The following CLYBL variants were observed in gnomAD, a reference collection of about 807,000 sequenced individuals.
CLYBL encodes citramalyl-CoA lyase, also known as citramalyl-CoA lyase, mitochondrial.
A neutral mutation model predicts 38.9 loss-of-function variants in CLYBL; 31 were observed. That is an observed-to-expected ratio of 0.80 (90% CI 0.60 to 1.08). CLYBL has a LOEUF of 1.08. Among genes scored for constraint, CLYBL ranks in the 50% least tolerant of loss-of-function variants. The pLI is 0.00. For synonymous variants in CLYBL, 171 were observed against 158.6 expected, an observed-to-expected ratio of 1.08 and a Z score of -0.59; for missense variants, 434 against 411.6, an observed-to-expected ratio of 1.05 and a Z score of -0.47.
At chr13:99,701,143 A>G (rs1346774300) in intron 1 of CLYBL, among the ~76,000 whole-genome samples, 1 of 152,190 alleles carries the variant, frequency 6.6e-6, no homozygotes, top group Non-Finnish European at 1.5e-5. Context: ...GTCTCTAAAT[A>G]ATCTCTGTGA....
At position 99,858,888 on chromosome 13, in the gene CLYBL, A is replaced by C; in HGVS notation, c.277A>C (p.Thr93Pro). Residue 93 changes from threonine to proline, a missense_variant, in exon 3 of 9, where the codon ACT becomes CCT. Coordinates refer to ENST00000339105, the MANE Select transcript of CLYBL (RefSeq NM_206808.5). ...KNEARLRIVK[T>P]LEDIDLGPTE... ...TGAAGCTCGACTGAGAATTGTAAAA[A>C]CTCTTGAAGACATTGATCTGGGCCC... 4 of 1,603,134 alleles carry C rather than the reference A, an allele frequency of 2.5e-6. No individual in the cohort carries two copies. The highest frequency in any genetic ancestry group is 3.4e-6 in the Non-Finnish European group (4 of 1,176,934).
intron 2 of CLYBL, among the ~76,000 whole-genome samples, chr13:99,832,303 C>T (rs1440498399): frequency 2.0e-5 from 3 of 152,196 alleles, no homozygotes; most frequent in African/African-American, 7.2e-5. Context: ...ACCACTGGGT[C>T]GTACCACTTG....
At chr13:99,611,929 A>G (rs909092749) in intron 1 of CLYBL, among the ~76,000 whole-genome samples, 2 of 152,154 alleles carry the variant, frequency 1.3e-5, no homozygotes, top group African/African-American at 4.8e-5. Context: ...TTACAGCTCT[A>G]CAAAGGTATA....
intron 1 of CLYBL, among the ~76,000 whole-genome samples, chr13:99,611,129 G>A (rs2046620254): frequency 6.6e-6 from 1 of 152,116 alleles, no homozygotes; most frequent in South Asian, 2.1e-4. Context: ...TGGGGAAGAG[G>A]GATAGGGTAA....
chr13:99,612,593 G>T (rs1222096008), intron 1 of CLYBL, among the ~76,000 whole-genome samples: 1 of 151,948 alleles, frequency 6.6e-6, no homozygotes, highest in Non-Finnish European at 1.5e-5. Context: ...TCGCCATGTT[G>T]CCCAGGCTTG....
intron 1 of CLYBL, among the ~76,000 whole-genome samples, chr13:99,659,198 A>G (rs1438755994): frequency 6.6e-6 from 1 of 151,350 alleles, no homozygotes; most frequent in African/African-American, 2.5e-5. Flanking sequence ...TCATCCTCTA[A>G]GCTATGTGTG....
At chr13:99,646,980 C>T (rs1222079295) in intron 1 of CLYBL, among the ~76,000 whole-genome samples, 8 of 152,156 alleles carry the variant, frequency 5.3e-5, no homozygotes, top group Admixed American at 5.2e-4. Context: ...AGGGCCCCTT[C>T]CCCTCTGGAG....
chr13:99,862,401 T>C (rs1249480921), intron 3 of CLYBL, among the ~76,000 whole-genome samples: 2 of 152,336 alleles, frequency 1.3e-5, no homozygotes, highest in Non-Finnish European at 2.9e-5. Context: ...GAGCTAGCTG[T>C]GAACTGGTCT....
intron 1 of CLYBL, among the ~76,000 whole-genome samples, chr13:99,711,353 C>T (rs2048227961): frequency 6.6e-6 from 1 of 151,426 alleles, no homozygotes; most frequent in Admixed American, 6.6e-5. Flanking sequence ...TCCACAGACG[C>T]ACACCTTCTC....
In CLYBL at chr13:99,716,932, C is replaced by T. The variant is rs370142386; in HGVS notation, c.63-55892C>T. Among the ~76,000 whole-genome samples the T allele has an allele frequency of 6.0e-5, 9 of 151,168 alleles. No homozygotes were observed. The South Asian group carries it at 1.9e-3, about 32-fold the overall frequency. ...TCAGCCTCCCAAGTAGCTGGGATTA[C>T]AGGCATGTGCCACCACGTCCAGCTA... On this transcript the variant is annotated intron_variant, in intron 1 of 8. Coordinates refer to ENST00000339105, the MANE Select transcript of CLYBL (RefSeq NM_206808.5).
intron 7 of CLYBL, among the ~76,000 whole-genome samples, chr13:99,871,540 G>T (rs1460205033): frequency 1.3e-5 from 2 of 152,188 alleles, no homozygotes; most frequent in Non-Finnish European, 2.9e-5. Context: ...GGTTGTATAT[G>T]TGTTTGTACC....
intron 1 of CLYBL, among the ~76,000 whole-genome samples, chr13:99,623,689 C>G (rs2046828885): frequency 6.6e-6 from 1 of 152,110 alleles, no homozygotes; most frequent in South Asian, 2.1e-4. Flanking sequence ...GAGTTGGGCA[C>G]TGTGGCTCAC....
At chr13:99,753,427 G>A (rs1257498178) in intron 1 of CLYBL, among the ~76,000 whole-genome samples, 1 of 152,150 alleles carries the variant, frequency 6.6e-6, no homozygotes, top group African/African-American at 2.4e-5. Context: ...TTGGGCCAGG[G>A]TGGGAAAGAT....
At position 99,622,163 on chromosome 13, in the gene CLYBL, G is replaced by A. The variant is rs144551550; in HGVS notation, c.62+15406G>A. On this transcript the variant is annotated intron_variant, in intron 1 of 8. Transcript: ENST00000339105. ...CCCTTTTCCACTTAGAAGCACCCTT[G>A]TGATTACGTTGGCCCCACCTGGATA... Among the ~76,000 whole-genome samples, 659 of 152,336 alleles carry A rather than the reference G, an allele frequency of 4.3e-3. 3 individuals are homozygous for A. Among genetic ancestry groups the A allele is most frequent in the African/African-American group, 0.015 (633 of 41,574 alleles).
At chr13:99,824,854 GA>G (rs1439617505) in intron 2 of CLYBL, among the ~76,000 whole-genome samples, 1 of 152,240 alleles carries the variant, frequency 6.6e-6, no homozygotes, top group Non-Finnish European at 1.5e-5. Flanking sequence ...ATGATCAGCT[GA>G]GGAAACAACC....
At chr13:99,770,076 CTTTCTTTT>C (rs1209412124) in intron 1 of CLYBL, among the ~76,000 whole-genome samples, 9 of 121,964 alleles carry the variant, frequency 7.4e-5, no homozygotes, top group South Asian at 2.4e-4. Flanking sequence ...TTTTTCTTTT[CTTTCTTTT>C]TTTTTTTTTT....
intron 8 of CLYBL, 178 bp from the exon 9 acceptor site, chr13:99,892,265 G>A (rs1467387975): frequency 6.6e-6 from 1 of 152,230 alleles, no homozygotes; most frequent in Non-Finnish European, 1.5e-5. Flanking sequence ...CCGAGCTGGT[G>A]CATGTGGCCC....
intron 2 of CLYBL, among the ~76,000 whole-genome samples, chr13:99,813,510 G>A (rs1359883038): frequency 6.6e-6 from 1 of 152,190 alleles, no homozygotes; most frequent in Non-Finnish European, 1.5e-5. Flanking sequence ...ACAGTGTGCT[G>A]TAGTGACTAA....
At chr13:99,731,224 T>C (rs910411824) in intron 1 of CLYBL, among the ~76,000 whole-genome samples, 1 of 151,684 alleles carries the variant, frequency 6.6e-6, no homozygotes, top group Non-Finnish European at 1.5e-5. Flanking sequence ...AAAAGTTGTA[T>C]GGTCAAAATT....
Sources: gnomAD v4.1 joint callset for allele counts (sites outside exome capture counted in the v4.1 genomes callset) on GRCh38, gnomAD v4.1.1 for gene constraint, MANE v1.5 for transcripts, NCBI Gene and HGNC (gene_info 2026-07-23, HGNC 2026-07-21) for gene names.